The following ARPC4 variants were observed in gnomAD, a reference collection of about 807,000 sequenced individuals.
ARPC4 encodes actin related protein 2/3 complex subunit 4.
ARPC4 carries 3 observed loss-of-function variants against 22.8 expected under a neutral mutation model. That is an observed-to-expected ratio of 0.13 (90% CI 0.06 to 0.34). The LOEUF (loss-of-function observed/expected upper bound fraction) is 0.34, where lower values mean the gene tolerates loss of function less well. Among genes scored for constraint, ARPC4 ranks in the 10% least tolerant of loss-of-function variants. ARPC4 has a pLI of 1.00. For missense variants in ARPC4, 98 were observed against 211.0 expected, an observed-to-expected ratio of 0.46 and a Z score of 3.32; for synonymous variants, 80 against 72.5, an observed-to-expected ratio of 1.10 and a Z score of -0.52.
intron 1 of ARPC4, among the ~76,000 whole-genome samples, chr3:9,793,961 A>G (rs914242197): frequency 6.6e-6 from 1 of 151,982 alleles, no homozygotes; most frequent in South Asian, 2.1e-4. Flanking sequence ...TTGAAATTAG[A>G]CCTCTAGTTC....
upstream of ARPC4, chr3:9,792,599 T>G: frequency 8.1e-7 from 1 of 1,228,676 alleles, no homozygotes; most frequent in Non-Finnish European, 1.0e-6. Flanking sequence ...GGGGTGCGGG[T>G]GGTCGGCCTC....
At chr3:9,801,395 C>G (rs1464661616) in intron 3 of ARPC4, among the ~76,000 whole-genome samples, 1 of 151,954 alleles carries the variant, frequency 6.6e-6, no homozygotes. Flanking sequence ...GAAAGGGCAG[C>G]TTGGAGTACA....
intron 5 of ARPC4, 183 bp downstream of exon 5, chr3:9,804,196 T>A (rs2079065210): frequency 1.7e-6 from 1 of 582,376 alleles, no homozygotes; most frequent in East Asian, 2.9e-5. Context: ...AGTTCATCTC[T>A]GAGAGCTACA....
intron 1 of ARPC4, 48 bp downstream of exon 1, chr3:9,793,172 A>G: frequency 6.5e-7 from 1 of 1,529,788 alleles, no homozygotes; most frequent in Non-Finnish European, 8.8e-7. Context: ...GTTCGGCCTC[A>G]GGGCAGTGGG....
intron 1 of ARPC4, 36 bp from the exon 2 acceptor site, chr3:9,797,623 T>C (rs771329563): frequency 6.3e-7 from 1 of 1,598,216 alleles, no homozygotes; most frequent in South Asian, 1.1e-5. Flanking sequence ...CGTGACAGAT[T>C]TTGATCTTCC....
intron 3 of ARPC4, 100 bp from the exon 4 acceptor site, chr3:9,801,561 T>C (rs775301056): frequency 3.4e-5 from 41 of 1,210,322 alleles, no homozygotes; most frequent in Non-Finnish European, 4.6e-5. Flanking sequence ...CACTGTCTCC[T>C]GGGAGCCTTG....
chr3:9,798,067 A>G, intron 2 of ARPC4: 1 of 256,384 alleles, frequency 3.9e-6, no homozygotes, highest in Non-Finnish European at 7.5e-6. Flanking sequence ...AAACACTGGT[A>G]GTTTAAGGAA....
intron 5 of ARPC4, 114 bp downstream of exon 5, chr3:9,804,127 T>C: frequency 5.8e-6 from 7 of 1,216,448 alleles, no homozygotes; most frequent in Non-Finnish European, 8.0e-6. Context: ...TCTCCTGAGC[T>C]CTCTAGGACC....
In ARPC4 at chr3:9,806,200, C is replaced by G; in HGVS notation, c.502-10C>G. The G allele has an allele frequency of 1.2e-6, 2 of 1,613,876 alleles. No homozygotes were observed. Among genetic ancestry groups the G allele is most frequent in the African/African-American group, 1.3e-5 (1 of 75,040 alleles). ...AACCACCATGCACTGCCTCTTGGTTCTCTTGACAGTTTTAAACCATCTGGC... is the reference window on the plus strand; with the variant it reads ...AACCACCATGCACTGCCTCTTGGTTGTCTTGACAGTTTTAAACCATCTGGC... On this transcript the variant is annotated splice_polypyrimidine_tract_variant and intron_variant, in intron 5 of 5. Transcript: ENST00000397261.
Position 9,806,606 on chromosome 3 carries a change from C to A in ARPC4, c.*391C>A, listed in dbSNP as rs951844868. The A allele has an allele frequency of 4.2e-6, 1 of 235,412 alleles. No individual in the cohort carries two copies. Among genetic ancestry groups the A allele is most frequent in the Non-Finnish European group, 8.2e-6 (1 of 122,088 alleles). 14.6% of individuals were successfully genotyped at this position (235,412 alleles called of 1,614,324 possible). On this transcript the variant is annotated 3_prime_UTR_variant, in exon 6 of 6. Transcript: ENST00000397261. The stretch of plus-strand genomic sequence containing the variant: ...CGTTATTGGTTGCTGTGGGTCTGGG[C>A]GGGCCTGGAGCCAGAAGGCGACTTA...
Position 9,806,220 on chromosome 3 carries a change from T to C in ARPC4, c.*5T>C, listed in dbSNP as rs780609839. The C allele has an allele frequency of 1.2e-6, 2 of 1,613,738 alleles. No homozygotes were observed. The highest frequency in any genetic ancestry group is 1.7e-5 in the Admixed American group (1 of 59,994). On this transcript the variant is annotated 3_prime_UTR_variant, in exon 6 of 6. Transcript: ENST00000397261. Reference sequence around the variant, plus strand: ...TGGTTCTCTTGACAGTTTTAAACCATCTGGCTGGATCTCGTGGCCTTCCCC... The same window carrying C: ...TGGTTCTCTTGACAGTTTTAAACCACCTGGCTGGATCTCGTGGCCTTCCCC...
At chr3:9,801,210 C>CATAAAAA (rs1208916054) in intron 3 of ARPC4, among the ~76,000 whole-genome samples, 1 of 12,174 alleles carries the variant, frequency 8.2e-5, no homozygotes, top group Non-Finnish European at 1.8e-4. Context: ...GATTCCATCT[C>CATAAAAA]AGAAAAAAAA....
rs1297087537 is a variant in ARPC4 at position 9,799,973 on chromosome 3, C to T, written c.123-212C>T. On this transcript the variant is annotated intron_variant, in intron 2 of 5. Coordinates refer to ENST00000397261, the MANE Select transcript of ARPC4 (RefSeq NM_005718.5). ...TGCCCAAGGAAAGTAACAGAGGAGG[C>T]TGGATTTCAAAACCTTTTCGCCCTG... The T allele has an allele frequency of 7.6e-6, 5 of 661,138 alleles. No individual in the cohort carries two copies. In the East Asian group the frequency reaches 1.2e-4, roughly 16 times the overall value. 41.0% of individuals were successfully genotyped at this position (661,138 alleles called of 1,614,324 possible).
At chr3:9,792,834 G>C, upstream of ARPC4, 2 of 1,359,320 alleles carry the variant, frequency 1.5e-6, no homozygotes, top group Non-Finnish European at 1.9e-6. Flanking sequence ...GGGGGAGGCT[G>C]TGGCAAAGGT....
At chr3:9,794,387 T>C (rs2125635125) in intron 1 of ARPC4, among the ~76,000 whole-genome samples, 1 of 152,202 alleles carries the variant, frequency 6.6e-6, no homozygotes, top group South Asian at 2.1e-4. Context: ...TAGTCCCAGC[T>C]ACTCAGGAGG....
At chr3:9,795,962 G>A (rs970128272) in intron 1 of ARPC4, among the ~76,000 whole-genome samples, 1 of 152,278 alleles carries the variant, frequency 6.6e-6, no homozygotes, top group South Asian at 2.1e-4. Context: ...CAGGCACGGT[G>A]GTGCACACTT....
chr3:9,792,734 T>A (rs1260205014), upstream of ARPC4: 11 of 1,238,938 alleles, frequency 8.9e-6, no homozygotes, highest in Non-Finnish European at 1.1e-5. Context: ...AGGATGGGGG[T>A]ACAGAACCGG....
chr3:9,797,356 C>T (rs139630304), intron 1 of ARPC4, among the ~76,000 whole-genome samples: 1 of 152,270 alleles, frequency 6.6e-6, no homozygotes, highest in Non-Finnish European at 1.5e-5. Context: ...CCCCTTCTTG[C>T]CAAGTCATGA....
At chr3:9,799,817 T>C (rs773015251) in intron 2 of ARPC4, 2 of 457,368 alleles carry the variant, frequency 4.4e-6, no homozygotes, top group South Asian at 3.2e-5. Flanking sequence ...CTATCTTTTG[T>C]AAAGCTCCTA....
Sources: gnomAD v4.1 joint callset for allele counts (sites outside exome capture counted in the v4.1 genomes callset) on GRCh38, gnomAD v4.1.1 for gene constraint, MANE v1.5 for transcripts, NCBI Gene and HGNC (gene_info 2026-07-23, HGNC 2026-07-21) for gene names.